Variants in AKAP19 observed in about 807,000 individuals in gnomAD.
AKAP19 encodes A-kinase anchoring protein 19.
the AKAP19 span, among the ~76,000 whole-genome samples, chr2:190,070,272 A>G: frequency 4.6e-5 from 7 of 152,240 alleles, no homozygotes; most frequent in African/African-American, 1.7e-4. Context: ...GTTTTGTTAT[A>G]TAACATCATT....
At chr2:190,033,385 G>T in the AKAP19 span, among the ~76,000 whole-genome samples, 1 of 152,188 alleles carries the variant, frequency 6.6e-6, no homozygotes, top group South Asian at 2.1e-4. Flanking sequence ...TCTTAAACGT[G>T]TCTGCGTATA....
the AKAP19 span, among the ~76,000 whole-genome samples, chr2:189,956,853 G>T: frequency 6.6e-6 from 1 of 152,222 alleles, no homozygotes. Flanking sequence ...AAAGTGCTGG[G>T]ATCACAAGTG....
At chr2:189,915,381 A>G in the AKAP19 span, among the ~76,000 whole-genome samples, 1 of 152,154 alleles carries the variant, frequency 6.6e-6, no homozygotes, top group South Asian at 2.1e-4. Context: ...CTTTTATTAA[A>G]TGACATTCCT....
the AKAP19 span, among the ~76,000 whole-genome samples, chr2:189,893,106 G>A: frequency 6.6e-6 from 1 of 152,140 alleles, no homozygotes; most frequent in African/African-American, 2.4e-5. Flanking sequence ...GGTGTCCCAG[G>A]TCGACTTCAG....
chr2:190,045,549 C>T, the AKAP19 span, among the ~76,000 whole-genome samples: 1 of 152,052 alleles, frequency 6.6e-6, no homozygotes, highest in African/African-American at 2.4e-5. Flanking sequence ...GATCCCTTTC[C>T]CCCTGGCCCA....
At chr2:189,917,247 A>G in the AKAP19 span, 2 of 1,236,410 alleles carry the variant, frequency 1.6e-6, no homozygotes, top group South Asian at 2.9e-5. Flanking sequence ...AAGCTTTTAC[A>G]AACACTGTCT....
chr2:190,085,394 G>A, the AKAP19 span, among the ~76,000 whole-genome samples: 2 of 152,074 alleles, frequency 1.3e-5, no homozygotes, highest in African/African-American at 2.4e-5. Context: ...TTTTAACACC[G>A]CTTCTGTGAG....
At chr2:189,902,467 A>G in the AKAP19 span, among the ~76,000 whole-genome samples, 568 of 152,116 alleles carry the variant, frequency 3.7e-3, 2 homozygotes, top group African/African-American at 0.012. Flanking sequence ...CTGCTTTTTT[A>G]ATTTAAAAGA....
the AKAP19 span, among the ~76,000 whole-genome samples, chr2:190,116,436 A>C: frequency 6.6e-6 from 1 of 152,136 alleles, no homozygotes; most frequent in Non-Finnish European, 1.5e-5. Context: ...GCTCTCATAA[A>C]CCTAAATGCT....
At chr2:189,884,772 CT>C in the AKAP19 span, among the ~76,000 whole-genome samples, 1 of 152,140 alleles carries the variant, frequency 6.6e-6, no homozygotes, top group African/African-American at 2.4e-5. Context: ...GCATATGAAT[CT>C]CTCTGGGCTT....
the AKAP19 span, among the ~76,000 whole-genome samples, chr2:190,040,533 T>C: frequency 6.6e-6 from 1 of 152,198 alleles, no homozygotes; most frequent in Non-Finnish European, 1.5e-5. Flanking sequence ...TAGATCCCAC[T>C]TGTCAATTTT....
chr2:190,180,285 G>T, the AKAP19 span, among the ~76,000 whole-genome samples: 1 of 152,182 alleles, frequency 6.6e-6, no homozygotes, highest in Admixed American at 6.5e-5. The surrounding 1 kb of genome is among the most constrained non-coding windows in gnomAD (Gnocchi z 6.8). Flanking sequence ...AGCTGGGAAG[G>T]CCGCGGCCAG....
At chr2:190,109,465 G>A in the AKAP19 span, among the ~76,000 whole-genome samples, 4 of 151,990 alleles carry the variant, frequency 2.6e-5, no homozygotes, top group African/African-American at 9.7e-5. Context: ...CCCTCCGCAT[G>A]GGGTAGACAG....
chr2:190,199,790 T>G, the AKAP19 span: 2 of 1,565,462 alleles, frequency 1.3e-6, no homozygotes, highest in South Asian at 2.5e-5. Flanking sequence ...ATGGACAAAT[T>G]TCATTGTTTT....
At chr2:189,957,795 A>T in the AKAP19 span, among the ~76,000 whole-genome samples, 31 of 152,236 alleles carry the variant, frequency 2.0e-4, no homozygotes, top group East Asian at 5.4e-3. Flanking sequence ...GAGTGAAAAG[A>T]CAAGCTACTG....
At chr2:189,904,259 C>A in the AKAP19 span, among the ~76,000 whole-genome samples, 1 of 151,898 alleles carries the variant, frequency 6.6e-6, no homozygotes, top group African/African-American at 2.4e-5. Flanking sequence ...TTTATATAAT[C>A]CTCGCAGCAA....
chr2:190,107,170 G>T, the AKAP19 span, among the ~76,000 whole-genome samples: 4 of 151,460 alleles, frequency 2.6e-5, no homozygotes, highest in Middle Eastern at 3.4e-3. Context: ...TGAGAGGAGG[G>T]TGATGTAGTG....
chr2:190,031,954 T>A, the AKAP19 span, among the ~76,000 whole-genome samples: 1 of 152,244 alleles, frequency 6.6e-6, no homozygotes, highest in Non-Finnish European at 1.5e-5. Flanking sequence ...AAAATATTGA[T>A]CTTCAGTGTT....
the AKAP19 span, among the ~76,000 whole-genome samples, chr2:190,129,726 G>A: frequency 1.3e-5 from 2 of 152,050 alleles, no homozygotes; most frequent in African/African-American, 4.8e-5. Context: ...TGAGTCTTGT[G>A]TAAGTCACCA....
Sources: allele counts gnomAD v4.1 joint callset (sites outside exome capture counted in the v4.1 genomes callset), GRCh38; gene constraint gnomAD v4.1.1; non-coding constraint Gnocchi (gnomAD v3.1); transcripts MANE v1.5; gene names NCBI Gene and HGNC (gene_info 2026-07-23, HGNC 2026-07-21).